Variants in ACE observed in about 807,000 individuals in gnomAD.
The protein encoded by ACE is angiotensin-converting enzyme.
In ACE, 122 loss-of-function variants were observed where a neutral mutation model predicts 162.3. That is an observed-to-expected ratio of 0.75 (90% CI 0.65 to 0.87). ACE has a LOEUF of 0.87. Among genes scored for constraint, ACE ranks in the 40% least tolerant of loss-of-function variants. The pLI, the probability that ACE is intolerant of heterozygous loss-of-function variation, is 0.00. For missense variants in ACE, 1,799 were observed against 1,735.1 expected (o/e 1.04, Z -0.65); for synonymous variants, 796 against 720.6 (o/e 1.10, Z -1.68).
Position 63,497,386 on chromosome 17 carries a change from C to T in ACE, c.*20C>T, listed in dbSNP as rs1470252719. On this transcript the variant is annotated 3_prime_UTR_variant, in exon 25 of 25. Coordinates refer to ENST00000290866, the MANE Select transcript of ACE (RefSeq NM_000789.4). ...TCCTGAGGTGACCCGGCTGGGTCGG[C>T]CCTGCCCAAGGGCCTCCCACCAGAG... 1.3e-6 allele frequency: 2 copies of T among 1,544,912 alleles called. No homozygotes were observed. The highest frequency in any genetic ancestry group is 1.7e-6 in the Non-Finnish European group (2 of 1,144,862).
At chr17:63,493,077 C>T (rs1367037783) in intron 19 of ACE, among the ~76,000 whole-genome samples, 3 of 152,198 alleles carry the variant, frequency 2.0e-5, no homozygotes, top group Non-Finnish European at 2.9e-5. Flanking sequence ...GGAGATAAAG[C>T]ATGTGTACAT....
chr17:63,490,856 G>A, intron 17 of ACE, 98 bp from the exon 18 acceptor site: 2 of 1,118,238 alleles, frequency 1.8e-6, no homozygotes, highest in Admixed American at 1.7e-5. Context: ...ACTATGATTA[G>A]CAGGACTGGG....
chr17:63,477,788 A>G (rs2049643017), intron 1 of ACE, 143 bp from the exon 2 acceptor site: 1 of 977,666 alleles, frequency 1.0e-6, no homozygotes, highest in East Asian at 2.7e-5. Context: ...TCCGCAAACT[A>G]AGGTCTCCCG....
rs768075509 is a variant in ACE at position 63,491,402 on chromosome 17, G to A, written c.2912+21G>A. The A allele has an allele frequency of 1.2e-6, 2 of 1,613,982 alleles. No homozygotes were observed. The highest frequency in any genetic ancestry group is 2.2e-5 in the South Asian group (2 of 91,080). The stretch of plus-strand genomic sequence containing the variant: ...TTCCGGTACATCCAGCTAGGGCTCA[G>A]GTCTCGTTCCTGAGCCCCACGGGCA... On this transcript the variant is annotated intron_variant, in intron 19 of 24. Coordinates refer to ENST00000290866, the MANE Select transcript of ACE (RefSeq NM_000789.4). The surrounding 1 kb of genome is among the most constrained non-coding windows in gnomAD (Gnocchi z 4.4).
Position 63,486,547 on chromosome 17 carries a change from G to A in ACE, c.2059-10G>A, listed in dbSNP as rs1446006846. The A allele has an allele frequency of 6.2e-7, 1 of 1,614,006 alleles. No individual in the cohort carries two copies. The highest frequency in any genetic ancestry group is 1.1e-5 in the South Asian group (1 of 91,050). ...CTGGGCCCTGTGACACCATCCCCCTGTGCCCTCAGCTGCAGAAGAACATGC... is the reference window on the plus strand; with the variant it reads ...CTGGGCCCTGTGACACCATCCCCCTATGCCCTCAGCTGCAGAAGAACATGC... On this transcript the variant is annotated splice_polypyrimidine_tract_variant and intron_variant, in intron 13 of 24. Transcript: ENST00000290866.
chr17:63,497,918 G>T lies in ACE; in HGVS notation c.*552G>T. On this transcript the variant is annotated 3_prime_UTR_variant, in exon 25 of 25. Coordinates refer to ENST00000290866, the MANE Select transcript of ACE (RefSeq NM_000789.4). ...TGCTGGCCTCACATTTCCACTGGCA[G>T]TGGAGCCTTTCCCTGCTCCACAAAT... is the stretch of plus-strand genomic sequence containing the variant. 4.6e-6 allele frequency: 1 copy of T among 219,576 alleles called. No individual in the cohort carries two copies. The allele number at this position is 219,576 out of a possible 1,614,324, so 13.6% of individuals were successfully genotyped here.
chr17:63,483,332 T>A (rs1481665502), intron 9 of ACE, 128 bp from the exon 10 acceptor site: 2 of 1,476,256 alleles, frequency 1.4e-6, no homozygotes, highest in African/African-American at 2.8e-5. Flanking sequence ...AACTCCCTCT[T>A]CCAGGAAGTC....
At position 63,491,504 on chromosome 17, in the gene ACE, A is replaced by C; in HGVS notation, c.2912+123A>C. On this transcript the variant is annotated intron_variant, in intron 19 of 24. Coordinates refer to ENST00000290866, the MANE Select transcript of ACE (RefSeq NM_000789.4). The surrounding 1 kb of genome is among the most constrained non-coding windows in gnomAD (Gnocchi z 4.4). ...CAGGGCAGGATGGGGACAGGGCCAG[A>C]GTTTGGGACTGAGTGTCTAGAGAGG... 1 of 1,298,126 alleles carries C rather than the reference A, an allele frequency of 7.7e-7. No homozygotes were observed. The highest frequency in any genetic ancestry group is 1.1e-6 in the Non-Finnish European group (1 of 913,330). The allele number at this position is 1,298,126 out of a possible 1,614,324, so 80.4% of individuals were successfully genotyped here.
Position 63,483,567 on chromosome 17 carries a change from G to GCGGGGGGGGGCCCCCCCCCCCC in ACE, c.1586+10_1586+11insGGGGGGGGGCCCCCCCCCCCCC. The GCGGGGGGGGGCCCCCCCCCCCC allele has an allele frequency of 1.3e-6, 2 of 1,589,288 alleles. No individual in the cohort carries two copies. Among genetic ancestry groups the GCGGGGGGGGGCCCCCCCCCCCC allele is most frequent in the Non-Finnish European group, 1.7e-6 (2 of 1,165,498 alleles). On this transcript the variant is annotated intron_variant, in intron 10 of 24. Coordinates refer to ENST00000290866, the MANE Select transcript of ACE (RefSeq NM_000789.4). Reference sequence around the variant, plus strand: ...GTGACACCATACATCAGGTATTAGCGCCCCCACCCCACCCACCCCCAGTAC... The same window carrying GCGGGGGGGGGCCCCCCCCCCCC: ...GTGACACCATACATCAGGTATTAGCGCGGGGGGGGGCCCCCCCCCCCCCCCCCACCCCACCCACCCCCAGTAC...
At chr17:63,495,207 T>C (rs2030653152) in intron 22 of ACE, among the ~76,000 whole-genome samples, 1 of 152,132 alleles carries the variant, frequency 6.6e-6, no homozygotes, top group South Asian at 2.1e-4. Context: ...CACAGATGAG[T>C]GTGCCCAATG....
At chr17:63,479,735 G>C (rs551040956) in intron 3 of ACE, 34 bp from the exon 4 acceptor site, 17 of 1,611,880 alleles carry the variant, frequency 1.1e-5, no homozygotes, top group Admixed American at 3.3e-5. Context: ...CAACGTGGAG[G>C]CCTCCTCACC....
At chr17:63,493,279 A>G (rs1032271650) in intron 19 of ACE, among the ~76,000 whole-genome samples, 157 bp from the exon 20 acceptor site, 1 of 152,130 alleles carries the variant, frequency 6.6e-6, no homozygotes, top group African/African-American at 2.4e-5. Flanking sequence ...ACGCACACTC[A>G]GTGGTTGCCC....
Position 63,491,455 on chromosome 17 carries a change from C to T in ACE, c.2912+74C>T, listed in dbSNP as rs1409783726. ...GGAAATGAACCAAGCAAAGGGTCCA[C>T]TACTGTCCCCCAGCTGGAGCCAGCA... On this transcript the variant is annotated intron_variant, in intron 19 of 24. Transcript: ENST00000290866. The surrounding 1 kb of genome is among the most constrained non-coding windows in gnomAD (Gnocchi z 4.4). 18 of 1,587,122 alleles carry T rather than the reference C, an allele frequency of 1.1e-5. No homozygotes were observed. Among genetic ancestry groups the T allele is most frequent in the Admixed American group, 1.7e-5 (1 of 59,866 alleles).
chr17:63,479,080 C>T lies in ACE; in HGVS notation c.491C>T (p.Thr164Ile), dbSNP rs2147527320. Residue 164 changes from threonine to isoleucine, a missense_variant, in exon 3 of 25, where the codon ACC becomes ATC. Coordinates refer to ENST00000290866, the MANE Select transcript of ACE (RefSeq NM_000789.4). ...GTCTGCCTCCCCAACAAGACTGCCACCTGCTGGTCCCTGGACCCAGGTACG... is the reference window on the plus strand; with the variant it reads ...GTCTGCCTCCCCAACAAGACTGCCATCTGCTGGTCCCTGGACCCAGGTACG... ...AKVCLPNKTA[T>I]CWSLDPDLTN... 5 of 1,613,298 alleles carry T rather than the reference C, an allele frequency of 3.1e-6. No individual in the cohort carries two copies. Among genetic ancestry groups the T allele is most frequent in the African/African-American group, 1.3e-5 (1 of 74,960 alleles).
Position 63,490,535 on chromosome 17 carries a change from A to G in ACE, c.2642-419A>G, listed in dbSNP as rs919442408. The G allele has an allele frequency of 6.9e-5, 18 of 262,220 alleles. No homozygotes were observed. In the Admixed American group the frequency reaches 7.1e-4, roughly 10 times the overall value. 16.2% of individuals were successfully genotyped at this position (262,220 alleles called of 1,614,324 possible). ...TCCAGCCTGTTTCCTTTACTAGCCA[A>G]TGGGAATCGTGACAGTACCTGGGTG... On this transcript the variant is annotated intron_variant, in intron 17 of 24. Coordinates refer to ENST00000290866, the MANE Select transcript of ACE (RefSeq NM_000789.4).
In ACE at chr17:63,483,121, T is replaced by G. The variant is rs760413658; in HGVS notation, c.1435T>G (p.Phe479Val). The G allele has an allele frequency of 2.5e-6, 4 of 1,614,144 alleles. No individual in the cohort carries two copies. The East Asian group carries it at 8.9e-5, about 36-fold the overall frequency. ...YLVDQWRWGV[F>V]SGRTPPSRYN... ...GGTGGACCAGTGGCGCTGGGGGGTC[T>G]TTAGTGGGCGTACCCCCCCTTCCCG... Residue 479 changes from phenylalanine to valine, a missense_variant, in exon 9 of 25, where the codon TTT (phenylalanine) becomes GTT (valine). Physicochemically the swap from Phe to Val is conservative, Grantham distance 50 (BLOSUM62 -1). Coordinates refer to ENST00000290866, the MANE Select transcript of ACE (RefSeq NM_000789.4).
In ACE at chr17:63,480,564, G is replaced by A. The variant is rs753673647; in HGVS notation, c.847+36G>A. 1.6e-5 allele frequency: 26 copies of A among 1,609,042 alleles called. No homozygotes were observed. The Middle Eastern group carries it at 4.9e-4, about 31-fold the overall frequency. On this transcript the variant is annotated intron_variant, in intron 5 of 24. Transcript: ENST00000290866. Reference sequence around the variant, plus strand: ...GGCCTCGCCTCCACATGAGTCCCACGGAAGTGTGGGTCCCGAGGTAGGGGT... The same window carrying A: ...GGCCTCGCCTCCACATGAGTCCCACAGAAGTGTGGGTCCCGAGGTAGGGGT...
Position 63,479,065 on chromosome 17 carries a change from C to G in ACE, c.476C>G (p.Pro159Arg). The G allele has an allele frequency of 6.2e-7, 1 of 1,613,698 alleles. No individual in the cohort carries two copies. The highest frequency in any genetic ancestry group is 8.5e-7 in the Non-Finnish European group (1 of 1,179,912). Residue 159 changes from proline (P) to arginine (R), a missense_variant, in exon 3 of 25, where the codon CCC becomes CGC. Physicochemically the swap from Pro to Arg is moderately radical, Grantham distance 103. Coordinates refer to ENST00000290866, the MANE Select transcript of ACE (RefSeq NM_000789.4). ...RIYSTAKVCLPNKTATCWSLD... is the reference protein window; with the variant it reads ...RIYSTAKVCLRNKTATCWSLD... ...TACTCCACCGCCAAGGTCTGCCTCC[C>G]CAACAAGACTGCCACCTGCTGGTCC...
intron 14 of ACE, 49 bp downstream of exon 14, chr17:63,486,764 C>G (rs371339574): frequency 1.2e-6 from 2 of 1,611,460 alleles, no homozygotes; most frequent in Admixed American, 1.7e-5. Context: ...GGGCAGTGAG[C>G]CCAACACAGG....
Sources: gnomAD v4.1 joint callset for allele counts (sites outside exome capture counted in the v4.1 genomes callset) on GRCh38, gnomAD v4.1.1 for gene constraint, Gnocchi (gnomAD v3.1) non-coding constraint, MANE v1.5 for transcripts, NCBI Gene and HGNC (gene_info 2026-07-23, HGNC 2026-07-21) for gene names.